The following DLG2 variants were observed in gnomAD, a reference collection of about 807,000 sequenced individuals.
DLG2 encodes the protein discs large MAGUK scaffold protein 2.
DLG2 carries 45 observed loss-of-function variants against 132.5 expected under a neutral mutation model. That is an observed-to-expected ratio of 0.34 (90% CI 0.27 to 0.44). The LOEUF (loss-of-function observed/expected upper bound fraction) is 0.44, where lower values mean the gene tolerates loss of function less well. Ranked by LOEUF, DLG2 falls within the 20% of genes least tolerant of loss-of-function variation. The pLI is 1.00. For missense variants in DLG2, 1,045 were observed against 1,196.9 expected, an observed-to-expected ratio of 0.87 and a Z score of 1.87; for synonymous variants, 424 against 419.6, an observed-to-expected ratio of 1.01 and a Z score of -0.13.
chr11:84,523,927 T>C (rs1591525652), intron 7 of DLG2, among the ~76,000 whole-genome samples: 1 of 152,200 alleles, frequency 6.6e-6, no homozygotes. Flanking sequence ...TTATTAATAC[T>C]ATGTACATAA....
At chr11:84,108,855 A>G (rs1261347158) in intron 9 of DLG2, among the ~76,000 whole-genome samples, 1 of 152,080 alleles carries the variant, frequency 6.6e-6, no homozygotes, top group African/African-American at 2.4e-5. Context: ...AGCAATGGGG[A>G]TGGCAATATT....
At chr11:85,527,187 T>A (rs1284283270) in intron 3 of DLG2, among the ~76,000 whole-genome samples, 3 of 152,014 alleles carry the variant, frequency 2.0e-5, no homozygotes, top group African/African-American at 4.8e-5. Flanking sequence ...TTTTTTTTTT[T>A]TTTTATTTTA....
intron 3 of DLG2, among the ~76,000 whole-genome samples, chr11:85,481,003 G>A (rs553499488): frequency 6.6e-6 from 1 of 152,216 alleles, no homozygotes. Flanking sequence ...TGGCTGGGTG[G>A]GTTTAGCAAG....
intron 10 of DLG2, 90 bp downstream of exon 10, chr11:84,098,833 T>C (rs985260209): frequency 2.1e-6 from 3 of 1,455,134 alleles, no homozygotes; most frequent in Non-Finnish European, 1.9e-6. Flanking sequence ...ACAGAACTTT[T>C]GTAGAATTAT....
intron 2 of DLG2, among the ~76,000 whole-genome samples, chr11:85,608,923 T>C (rs991767760): frequency 2.0e-5 from 3 of 152,010 alleles, no homozygotes; most frequent in Non-Finnish European, 2.9e-5. Context: ...AGCATGAGAG[T>C]TTGGAGATAC....
intron 6 of DLG2, among the ~76,000 whole-genome samples, chr11:84,952,663 A>T (rs2051118513): frequency 6.6e-6 from 1 of 151,992 alleles, no homozygotes; most frequent in South Asian, 2.1e-4. Context: ...GCTCACATGT[A>T]AAGTAAATAG....
chr11:84,582,573 T>C (rs1312850800), intron 6 of DLG2, among the ~76,000 whole-genome samples: 1 of 150,662 alleles, frequency 6.6e-6, no homozygotes, highest in South Asian at 2.1e-4. Context: ...ATAATAATAC[T>C]ATAATTAAGG....
intron 17 of DLG2, among the ~76,000 whole-genome samples, chr11:83,798,389 A>G (rs1302402176): frequency 6.6e-6 from 1 of 152,250 alleles, no homozygotes; most frequent in Non-Finnish European, 1.5e-5. Flanking sequence ...TACTTACTAA[A>G]TAGTTGCTAT....
chr11:85,505,827 C>T (rs1389633872), intron 3 of DLG2, among the ~76,000 whole-genome samples: 1 of 152,060 alleles, frequency 6.6e-6, no homozygotes, highest in Non-Finnish European at 1.5e-5. Context: ...TGGTAGAATC[C>T]AGCTGTGAAT....
chr11:85,399,101 T>C (rs2087748570), intron 3 of DLG2, among the ~76,000 whole-genome samples: 3 of 152,144 alleles, frequency 2.0e-5, no homozygotes, highest in Non-Finnish European at 2.9e-5. Flanking sequence ...ACAAAATCAA[T>C]GTGCAAAAAT....
intron 21 of DLG2, among the ~76,000 whole-genome samples, chr11:83,526,352 A>T (rs1288903158): frequency 1.2e-4 from 18 of 152,156 alleles, no homozygotes; most frequent in Admixed American, 1.0e-3. Flanking sequence ...TCCTATTGCC[A>T]GTCTCTCTCC....
chr11:85,141,619 A>C (rs2152431951), intron 5 of DLG2, among the ~76,000 whole-genome samples: 1 of 151,902 alleles, frequency 6.6e-6, no homozygotes, highest in South Asian at 2.1e-4. Flanking sequence ...TTACTCAAGA[A>C]ATTTTTGCCC....
chr11:85,422,732 C>G (rs2090419085), intron 3 of DLG2, among the ~76,000 whole-genome samples: 1 of 152,132 alleles, frequency 6.6e-6, no homozygotes, highest in Admixed American at 6.6e-5. Context: ...CTCAAGTGAT[C>G]TGCTCATCTC....
chr11:83,953,510 C>G (rs2086016498), intron 14 of DLG2, among the ~76,000 whole-genome samples: 1 of 152,194 alleles, frequency 6.6e-6, no homozygotes, highest in South Asian at 2.1e-4. Context: ...CTGCCCCTGC[C>G]ACCTGTCCAT....
At chr11:83,469,905 A>C (rs80054009) in intron 24 of DLG2, among the ~76,000 whole-genome samples, 3,645 of 152,294 alleles carry the variant, frequency 0.024, 57 homozygotes, top group Middle Eastern at 0.071. Flanking sequence ...TCAGACTCTC[A>C]ACATATATAA....
At chr11:84,550,551 G>A (rs2099399896) in intron 6 of DLG2, among the ~76,000 whole-genome samples, 1 of 152,134 alleles carries the variant, frequency 6.6e-6, no homozygotes. Context: ...CTGTGAAATT[G>A]GCACTTGCCT....
chr11:85,196,507 T>C lies in DLG2; in HGVS notation c.187-41856A>G, dbSNP rs549263124. Among the ~76,000 whole-genome samples the C allele has an allele frequency of 1.4e-4, 22 of 152,318 alleles. No homozygotes were observed. The South Asian group carries it at 4.6e-3, about 32-fold the overall frequency. On this transcript the variant is annotated intron_variant, in intron 4 of 27. Coordinates refer to ENST00000376104, the MANE Select transcript of DLG2 (RefSeq NM_001142699.3). ...TAGTGGAGGCTGCTGATTTCCATAG[T>C]GTAAATAGTCCCACTATAACCAATT...
At chr11:83,626,361 T>C (rs1566119273) in intron 19 of DLG2, among the ~76,000 whole-genome samples, 1 of 152,150 alleles carries the variant, frequency 6.6e-6, no homozygotes, top group Admixed American at 6.6e-5. Flanking sequence ...TGTGAGAAAC[T>C]TGAGGAAAGG....
intron 3 of DLG2, among the ~76,000 whole-genome samples, chr11:85,361,186 C>T (rs758879571): frequency 6.6e-6 from 1 of 152,274 alleles, no homozygotes; most frequent in Non-Finnish European, 1.5e-5. Flanking sequence ...GACAAAGTCT[C>T]ACTCTGTCAC....
Sources: allele counts gnomAD v4.1 joint callset (sites outside exome capture counted in the v4.1 genomes callset), GRCh38; gene constraint gnomAD v4.1.1; transcripts MANE v1.5; gene names NCBI Gene and HGNC (gene_info 2026-07-23, HGNC 2026-07-21).